The following CNTN3 variants were observed in gnomAD, a reference collection of about 807,000 sequenced individuals.
The protein encoded by CNTN3 is contactin-3.
Under a neutral mutation model 119.1 loss-of-function variants are expected in CNTN3, and 60 were observed. The ratio of observed to expected loss-of-function variants is 0.50; its 90% CI spans 0.41 to 0.62. The LOEUF (loss-of-function observed/expected upper bound fraction) is 0.62. Among genes scored for constraint, CNTN3 ranks in the 20% least tolerant of loss-of-function variants. The pLI, the probability that CNTN3 is intolerant of heterozygous loss-of-function variation, is 0.00. For synonymous variants in CNTN3, 450 were observed against 438.7 expected (o/e 1.03, Z -0.32); for missense variants, 1,101 against 1,242.4 (o/e 0.89, Z 1.71).
intron 5 of CNTN3, among the ~76,000 whole-genome samples, chr3:74,384,911 T>C (rs1185305050): frequency 1.3e-5 from 2 of 152,202 alleles, no homozygotes; most frequent in African/African-American, 2.4e-5. Context: ...TATAAGTATG[T>C]TTATTTCTTT....
At chr3:74,341,072 A>C (rs148598853) in intron 11 of CNTN3, among the ~76,000 whole-genome samples, 1 of 152,216 alleles carries the variant, frequency 6.6e-6, no homozygotes, top group Admixed American at 6.5e-5. Context: ...GAATCACACA[A>C]AGACTTCAAA....
At chr3:74,454,408 T>C (rs1391875678) in intron 4 of CNTN3, among the ~76,000 whole-genome samples, 268 of 150,916 alleles carry the variant, frequency 1.8e-3, no homozygotes, top group Admixed American at 2.8e-3. Context: ...TGTGTGTCTC[T>C]GCACGTGAGA....
At position 74,264,234 on chromosome 3, in the gene CNTN3, C is replaced by A; in HGVS notation, c.*167G>T. On this transcript the variant is annotated 3_prime_UTR_variant, in exon 23 of 23. Transcript: ENST00000263665. ...AGTTAATATTAAGGCATTTCAGATTCCCCTAAAAGGATTTACTGTTTTTTT... is the reference window on the plus strand; with the variant it reads ...AGTTAATATTAAGGCATTTCAGATTACCCTAAAAGGATTTACTGTTTTTTT... 1 of 428,292 alleles carries A rather than the reference C, an allele frequency of 2.3e-6. No individual in the cohort carries two copies. The allele number at this position is 428,292 out of a possible 1,614,324, so 26.5% of individuals were successfully genotyped here. A position where few individuals can be genotyped will look rare whatever the true frequency, so the allele number is the denominator to read the frequency against.
At chr3:74,415,767 G>A (rs1191498664) in intron 5 of CNTN3, among the ~76,000 whole-genome samples, 6 of 152,170 alleles carry the variant, frequency 3.9e-5, no homozygotes, top group Admixed American at 3.9e-4. Context: ...GTCTCTTCTT[G>A]TTTCTGTCGG....
At chr3:74,555,829 G>A (rs1238417752) in intron 1 of CNTN3, among the ~76,000 whole-genome samples, 3 of 151,898 alleles carry the variant, frequency 2.0e-5, no homozygotes, top group Non-Finnish European at 4.4e-5. Context: ...CTTGCTAGTG[G>A]TCTATTTTGT....
At chr3:74,416,302 A>T (rs1394644686) in intron 5 of CNTN3, among the ~76,000 whole-genome samples, 1 of 152,240 alleles carries the variant, frequency 6.6e-6, no homozygotes, top group Non-Finnish European at 1.5e-5. Flanking sequence ...AATAAATCAG[A>T]CATTTCAAAC....
intron 4 of CNTN3, among the ~76,000 whole-genome samples, chr3:74,432,446 G>A (rs1221577727): frequency 4.0e-5 from 6 of 151,354 alleles, no homozygotes; most frequent in Non-Finnish European, 7.4e-5. Flanking sequence ...TTACAAATTT[G>A]TGTTGGGCTG....
intron 13 of CNTN3, among the ~76,000 whole-genome samples, chr3:74,325,317 A>T (rs1253159226): frequency 1.3e-5 from 2 of 152,308 alleles, no homozygotes; most frequent in Admixed American, 1.3e-4. Flanking sequence ...CTGCAGAAGT[A>T]AACTTGTATT....
chr3:74,285,166 G>T, intron 20 of CNTN3, 139 bp downstream of exon 20: 2 of 892,316 alleles, frequency 2.2e-6, no homozygotes, highest in Non-Finnish European at 3.3e-6. Context: ...GTTGGGTTTT[G>T]GAGTTAGGTT....
At chr3:74,346,776 TCCATCCA>T (rs1703700178) in intron 11 of CNTN3, among the ~76,000 whole-genome samples, 2 of 151,734 alleles carry the variant, frequency 1.3e-5, no homozygotes, top group Non-Finnish European at 2.9e-5. Context: ...CATCCATCCA[TCCATCCA>T]TCCATCCATG....
intron 4 of CNTN3, among the ~76,000 whole-genome samples, chr3:74,454,394 C>T (rs1224323537): frequency 8.0e-5 from 12 of 149,418 alleles, no homozygotes; most frequent in Admixed American, 7.4e-4. Context: ...TTATTTTGAG[C>T]CTATGTGTGT....
At chr3:74,475,847 CA>C (rs1420690840) in intron 4 of CNTN3, among the ~76,000 whole-genome samples, 4 of 152,154 alleles carry the variant, frequency 2.6e-5, no homozygotes, top group Admixed American at 6.5e-5. Flanking sequence ...GGGGTTTCCT[CA>C]TATGCACATT....
At chr3:74,546,117 T>C (rs1317413834) in intron 1 of CNTN3, among the ~76,000 whole-genome samples, 1 of 152,070 alleles carries the variant, frequency 6.6e-6, no homozygotes, top group Non-Finnish European at 1.5e-5. Context: ...TGCCTCAGCC[T>C]TCCGAGTAGC....
intron 3 of CNTN3, among the ~76,000 whole-genome samples, chr3:74,487,743 T>A (rs1285359352): frequency 1.3e-5 from 2 of 152,020 alleles, no homozygotes; most frequent in Non-Finnish European, 2.9e-5. Flanking sequence ...TATAAAGAGA[T>A]GAAATGTGAA....
At chr3:74,328,593 C>G (rs1703185201) in intron 13 of CNTN3, among the ~76,000 whole-genome samples, 1 of 152,122 alleles carries the variant, frequency 6.6e-6, no homozygotes. Context: ...CTGGGGATGG[C>G]TTTGGACTAT....
intron 19 of CNTN3, among the ~76,000 whole-genome samples, chr3:74,285,837 A>AAT (rs1702106074): frequency 7.4e-6 from 1 of 135,506 alleles, no homozygotes; most frequent in African/African-American, 2.7e-5. Flanking sequence ...ATATATATAT[A>AAT]TAAAATTAAA....
chr3:74,426,102 C>T (rs1701690670), intron 4 of CNTN3, among the ~76,000 whole-genome samples: 1 of 152,096 alleles, frequency 6.6e-6, no homozygotes, highest in South Asian at 2.1e-4. Context: ...CTGATTCATT[C>T]TTTCCAAGTT....
intron 4 of CNTN3, among the ~76,000 whole-genome samples, chr3:74,456,405 T>TC (rs1423609900): frequency 6.6e-6 from 1 of 152,092 alleles, no homozygotes; most frequent in Non-Finnish European, 1.5e-5. Context: ...GACAGCTCTC[T>TC]GTATATATTT....
chr3:74,554,601 G>T (rs1027005793), intron 1 of CNTN3, among the ~76,000 whole-genome samples: 2 of 152,106 alleles, frequency 1.3e-5, no homozygotes, highest in African/African-American at 4.8e-5. Flanking sequence ...CTTGAGCAGT[G>T]GTTTGTAGTT....
Sources: gnomAD v4.1 joint callset for allele counts (sites outside exome capture counted in the v4.1 genomes callset) on GRCh38, gnomAD v4.1.1 for gene constraint, MANE v1.5 for transcripts, NCBI Gene and HGNC (gene_info 2026-07-23, HGNC 2026-07-21) for gene names.